MAPKAP1: variants seen among roughly 807,000 people sequenced by gnomAD.
MAPKAP1 encodes target of rapamycin complex 2 subunit MAPKAP1.
A neutral mutation model predicts 65.7 loss-of-function variants in MAPKAP1; 20 were observed. The observed-to-expected ratio is 0.30, with a 90% CI of 0.21 to 0.44. The LOEUF (loss-of-function observed/expected upper bound fraction) is 0.44, where lower values mean the gene tolerates loss of function less well. MAPKAP1 is among the 20% of genes least tolerant of loss of function. The pLI is 1.00. For missense variants in MAPKAP1, 423 were observed against 648.0 expected, an observed-to-expected ratio of 0.65 and a Z score of 3.77; for synonymous variants, 222 against 244.3, an observed-to-expected ratio of 0.91 and a Z score of 0.85.
intron 4 of MAPKAP1, among the ~76,000 whole-genome samples, chr9:125,599,169 A>C (rs145626747): frequency 6.6e-6 from 1 of 152,166 alleles, no homozygotes; most frequent in African/African-American, 2.4e-5. Flanking sequence ...CTTAAAAAAA[A>C]ATATTGCTGT....
chr9:125,534,079 A>G (rs1642625400), intron 7 of MAPKAP1, among the ~76,000 whole-genome samples: 6 of 152,202 alleles, frequency 3.9e-5, no homozygotes. Flanking sequence ...ACACATATGT[A>G]TTTTTCATGA....
intron 10 of MAPKAP1, among the ~76,000 whole-genome samples, chr9:125,463,109 C>G (rs1191093388): frequency 6.6e-6 from 1 of 152,228 alleles, no homozygotes; most frequent in Admixed American, 6.5e-5. Flanking sequence ...TCTTCTTTAA[C>G]TAGTCATGCA....
intron 9 of MAPKAP1, among the ~76,000 whole-genome samples, chr9:125,480,975 GAAAAAAAA>G (rs536367888): frequency 9.2e-6 from 1 of 108,684 alleles, no homozygotes; most frequent in Non-Finnish European, 1.8e-5. Flanking sequence ...CCGTTTCGGG[GAAAAAAAA>G]AAAAAAAAAA....
chr9:125,594,004 G>T (rs1256256210), intron 4 of MAPKAP1, among the ~76,000 whole-genome samples: 2 of 152,040 alleles, frequency 1.3e-5, no homozygotes, highest in Non-Finnish European at 1.5e-5. Flanking sequence ...ACTCTGTCAC[G>T]CAAGCTAGGA....
chr9:125,646,169 T>C (rs1833720528), intron 4 of MAPKAP1, among the ~76,000 whole-genome samples: 1 of 152,098 alleles, frequency 6.6e-6, no homozygotes, highest in African/African-American at 2.4e-5. Context: ...CCTCAAAGCC[T>C]TTGGGTGGTG....
chr9:125,656,833 C>T (rs1458780312), intron 4 of MAPKAP1, among the ~76,000 whole-genome samples: 3 of 152,262 alleles, frequency 2.0e-5, no homozygotes, highest in South Asian at 4.1e-4. Context: ...CAGGTCAGCA[C>T]AGAGACACAA....
chr9:125,517,285 G>A (rs555290285), intron 7 of MAPKAP1, among the ~76,000 whole-genome samples: 3 of 152,302 alleles, frequency 2.0e-5, no homozygotes, highest in Admixed American at 6.5e-5. Context: ...CAGCAGGGAA[G>A]AGTAGGAAGT....
intron 4 of MAPKAP1, among the ~76,000 whole-genome samples, chr9:125,652,893 T>C (rs1833932803): frequency 6.6e-6 from 1 of 152,194 alleles, no homozygotes; most frequent in Non-Finnish European, 1.5e-5. Context: ...ACTTCTTCTT[T>C]ACGACACTAT....
intron 4 of MAPKAP1, among the ~76,000 whole-genome samples, chr9:125,599,198 A>G (rs1832230712): frequency 6.6e-6 from 1 of 152,202 alleles, no homozygotes; most frequent in African/African-American, 2.4e-5. Context: ...TTTTGAAACT[A>G]CAAGAAATCT....
chr9:125,484,370 T>A (rs1854420208), intron 9 of MAPKAP1, 73 bp downstream of exon 9: 1 of 1,433,738 alleles, frequency 7.0e-7, no homozygotes, highest in Non-Finnish European at 9.3e-7. Flanking sequence ...AAAAGTTGTA[T>A]GTTGTTTCTT....
In MAPKAP1 at chr9:125,468,456, C is replaced by T. The variant is rs140537469; in HGVS notation, c.1208-347G>A. 1.1e-4 allele frequency among the ~76,000 whole-genome samples: 16 copies of T among 152,294 alleles called. 2 individuals are homozygous for T. Among genetic ancestry groups the T allele is most frequent in the African/African-American group, 3.6e-4 (15 of 41,564 alleles). On this transcript the variant is annotated intron_variant, in intron 9 of 11. Coordinates refer to ENST00000265960, the MANE Select transcript of MAPKAP1 (RefSeq NM_001006617.3). ...TTATCTCTATATTGTAATGAAATAA[C>T]CATCAGGTTTATTTAAAAAACAGTT...
At chr9:125,499,765 A>T (rs1828914531) in intron 8 of MAPKAP1, among the ~76,000 whole-genome samples, 1 of 152,238 alleles carries the variant, frequency 6.6e-6, no homozygotes, top group East Asian at 1.9e-4. Context: ...TAATCCCAGT[A>T]TTATGGGAGG....
chr9:125,512,494 T>A, intron 7 of MAPKAP1, among the ~76,000 whole-genome samples: 1 of 152,324 alleles, frequency 6.6e-6, no homozygotes, highest in East Asian at 1.9e-4. Flanking sequence ...CTCTGCCAGC[T>A]CCTCCTCCTG....
intron 8 of MAPKAP1, among the ~76,000 whole-genome samples, chr9:125,486,651 G>T (rs1854508387): frequency 6.6e-6 from 1 of 152,150 alleles, no homozygotes; most frequent in Admixed American, 6.5e-5. Flanking sequence ...AAACACTACA[G>T]TAATTCCCAA....
At chr9:125,448,413 G>C (rs1276748195) in intron 10 of MAPKAP1, among the ~76,000 whole-genome samples, 1 of 152,110 alleles carries the variant, frequency 6.6e-6, no homozygotes, top group African/African-American at 2.4e-5. Context: ...TTCCACCATA[G>C]GTGTCTGGGA....
intron 6 of MAPKAP1, among the ~76,000 whole-genome samples, chr9:125,553,399 G>A (rs533119413): frequency 6.6e-6 from 1 of 152,228 alleles, no homozygotes; most frequent in Admixed American, 6.5e-5. Flanking sequence ...AAAATTGGCA[G>A]GGCATGGTGG....
At chr9:125,484,666 T>A in intron 8 of MAPKAP1, 83 bp from the exon 9 acceptor site, 1 of 1,349,564 alleles carries the variant, frequency 7.4e-7, no homozygotes, top group Non-Finnish European at 1.0e-6. Flanking sequence ...TGGGATAAAT[T>A]AAAATAATAT....
chr9:125,486,533 C>T (rs1251223541), intron 8 of MAPKAP1, among the ~76,000 whole-genome samples: 1 of 152,224 alleles, frequency 6.6e-6, no homozygotes, highest in Non-Finnish European at 1.5e-5. Context: ...CAATGATATG[C>T]TTTTCCTTCC....
intron 6 of MAPKAP1, among the ~76,000 whole-genome samples, chr9:125,543,903 T>C (rs1830339168): frequency 6.6e-6 from 1 of 152,120 alleles, no homozygotes; most frequent in African/African-American, 2.4e-5. Flanking sequence ...ACTAAGCTCA[T>C]GGAGCCCCAG....
Sources: allele counts gnomAD v4.1 joint callset (sites outside exome capture counted in the v4.1 genomes callset), GRCh38; gene constraint gnomAD v4.1.1; transcripts MANE v1.5; gene names NCBI Gene and HGNC (gene_info 2026-07-23, HGNC 2026-07-21).